The following CDH4 variants were observed in gnomAD, a reference collection of about 807,000 sequenced individuals.
The protein encoded by CDH4 is cadherin-4.
In CDH4, 33 loss-of-function variants were observed where a neutral mutation model predicts 86.0. The ratio of observed to expected loss-of-function variants is 0.38; its 90% CI spans 0.29 to 0.51. CDH4 has a LOEUF of 0.51. CDH4 is among the 20% of genes least tolerant of loss of function. The pLI is 0.86. For missense variants in CDH4, 1,114 were observed against 1,307.4 expected (o/e 0.85, Z 2.28); for synonymous variants, 555 against 549.4 (o/e 1.01, Z -0.14).
intron 3 of CDH4, among the ~76,000 whole-genome samples, chr20:61,747,569 A>AG (rs2088431558): frequency 6.6e-6 from 1 of 152,234 alleles, no homozygotes; most frequent in African/African-American, 2.4e-5. Context: ...GATAATTAGA[A>AG]GGTATAAAAC....
intron 2 of CDH4, among the ~76,000 whole-genome samples, chr20:61,581,338 G>C (rs1195469216): frequency 6.6e-6 from 1 of 152,222 alleles, no homozygotes; most frequent in Non-Finnish European, 1.5e-5. Context: ...CAGAAGTCCA[G>C]AATCAGCCTC....
At chr20:61,882,114 T>C (rs1011301324) in intron 7 of CDH4, among the ~76,000 whole-genome samples, 3 of 152,362 alleles carry the variant, frequency 2.0e-5, no homozygotes, top group Admixed American at 1.3e-4. Flanking sequence ...CCTTCCGGAC[T>C]GCTGTCTTTA....
chr20:61,507,676 A>G (rs1369861663), intron 2 of CDH4, among the ~76,000 whole-genome samples: 2 of 152,226 alleles, frequency 1.3e-5, no homozygotes, highest in Non-Finnish European at 2.9e-5. Flanking sequence ...CAACCGTCAC[A>G]GCCAAGAGGT....
chr20:61,557,967 T>G (rs1219594828), intron 2 of CDH4, among the ~76,000 whole-genome samples: 5 of 152,142 alleles, frequency 3.3e-5, no homozygotes, highest in Non-Finnish European at 5.9e-5. Context: ...GCTGTGACAA[T>G]AAAATGGTTC....
chr20:61,583,174 G>A (rs930100417), intron 2 of CDH4, among the ~76,000 whole-genome samples: 27,311 of 58,216 alleles, frequency 0.47, 10,297 homozygotes, highest in Non-Finnish European at 0.61. Flanking sequence ...GCTCTGCGGG[G>A]GGGACAGAGG....
intron 2 of CDH4, among the ~76,000 whole-genome samples, chr20:61,303,093 C>T (rs2084394470): frequency 6.6e-6 from 1 of 152,204 alleles, no homozygotes; most frequent in South Asian, 2.1e-4. Flanking sequence ...TAAGTGTTCA[C>T]ATTAAGCCAT....
intron 4 of CDH4, among the ~76,000 whole-genome samples, chr20:61,822,332 A>G (rs959472598): frequency 2.0e-5 from 3 of 152,232 alleles, no homozygotes; most frequent in Non-Finnish European, 2.9e-5. Context: ...TGATGAGAGC[A>G]ATAATGTGGG....
chr20:61,325,881 G>A (rs762703214), intron 2 of CDH4, among the ~76,000 whole-genome samples: 11 of 152,132 alleles, frequency 7.2e-5, no homozygotes, highest in East Asian at 1.9e-4. Context: ...GGGTGCCGAC[G>A]CAAGTGGGTT....
intron 2 of CDH4, among the ~76,000 whole-genome samples, chr20:61,394,329 G>A (rs2085003384): frequency 6.6e-6 from 1 of 152,088 alleles, no homozygotes. Context: ...CTCTCGGGCA[G>A]AACCCACCTC....
rs2145621826 is a variant in CDH4 at position 61,517,574 on chromosome 20, T to TTCC, written c.170-225987_170-225985dup. On this transcript the variant is annotated intron_variant, in intron 2 of 15. Coordinates refer to ENST00000614565, the MANE Select transcript of CDH4 (RefSeq NM_001794.5). This position sits in a 1 kb window ranked among gnomAD's most constrained non-coding sequence, Gnocchi z 6.6. The stretch of plus-strand genomic sequence containing the variant: ...CAGTGGAGGATGAATTCAAGCACAA[T>TTCC]TCCTGCCTTCTTCACTCCTGACCTT... Among the ~76,000 whole-genome samples, 1 of 152,206 alleles carries TTCC rather than the reference T, an allele frequency of 6.6e-6. No individual in the cohort carries two copies. The highest frequency in any genetic ancestry group is 2.4e-5 in the African/African-American group (1 of 41,540).
chr20:61,735,456 G>A (rs949245995), intron 2 of CDH4, among the ~76,000 whole-genome samples: 1 of 152,086 alleles, frequency 6.6e-6, no homozygotes, highest in Non-Finnish European at 1.5e-5. Flanking sequence ...CAGAACCTGT[G>A]GCAGGTACAG....
At chr20:61,302,163 G>A (rs766204256) in intron 2 of CDH4, among the ~76,000 whole-genome samples, 12 of 152,196 alleles carry the variant, frequency 7.9e-5, no homozygotes, top group Non-Finnish European at 1.8e-4. Context: ...TTAGTAGGCC[G>A]AGGTCTGGGC....
At chr20:61,457,791 G>A (rs1414915035) in intron 2 of CDH4, among the ~76,000 whole-genome samples, 4 of 151,498 alleles carry the variant, frequency 2.6e-5, no homozygotes, top group Non-Finnish European at 5.9e-5. Context: ...GTTGATGACA[G>A]TGCTGATGCT....
chr20:61,566,451 C>T (rs781008529), intron 2 of CDH4, among the ~76,000 whole-genome samples: 3 of 152,114 alleles, frequency 2.0e-5, no homozygotes, highest in Non-Finnish European at 4.4e-5. Context: ...TACCACGAGC[C>T]GGAGACTTTC....
In CDH4 at chr20:61,902,167, C is replaced by T. The variant is rs1471135359; in HGVS notation, c.1188+7120C>T. 1.3e-5 allele frequency among the ~76,000 whole-genome samples: 2 copies of T among 152,206 alleles called. No individual in the cohort carries two copies. The highest frequency in any genetic ancestry group is 6.5e-5 in the Admixed American group (1 of 15,284). ...CTTGGAGTTCCAGAATCGTGAAAGG[C>T]GGGTCCTCGGCAGGCGTGGAGGCAT... On this transcript the variant is annotated intron_variant, in intron 8 of 15. Coordinates refer to ENST00000614565, the MANE Select transcript of CDH4 (RefSeq NM_001794.5). This position sits in a 1 kb window ranked among gnomAD's most constrained non-coding sequence, Gnocchi z 4.6.
At chr20:61,757,801 C>T (rs774060352) in intron 3 of CDH4, among the ~76,000 whole-genome samples, 2 of 152,130 alleles carry the variant, frequency 1.3e-5, no homozygotes, top group African/African-American at 4.8e-5. Context: ...GAGGGAGGAG[C>T]GAGTGGTACA....
chr20:61,524,486 C>T (rs1025907889), intron 2 of CDH4, among the ~76,000 whole-genome samples: 2 of 147,296 alleles, frequency 1.4e-5, no homozygotes, highest in African/African-American at 5.2e-5. Context: ...ATGAATATTA[C>T]ACTTTTTTTT....
chr20:61,290,411 C>T, intron 2 of CDH4, among the ~76,000 whole-genome samples: 1 of 112,500 alleles, frequency 8.9e-6, no homozygotes, highest in Non-Finnish European at 1.8e-5. Context: ...ATCCCCGTAT[C>T]CAATGAGACT....
chr20:61,360,985 G>A (rs2084780300), intron 2 of CDH4, among the ~76,000 whole-genome samples: 2 of 151,750 alleles, frequency 1.3e-5, no homozygotes, highest in African/African-American at 2.4e-5. Flanking sequence ...CTGAGAGAAC[G>A]CAGAGAATCA....
Sources: allele counts gnomAD v4.1 joint callset (sites outside exome capture counted in the v4.1 genomes callset), GRCh38; gene constraint gnomAD v4.1.1; non-coding constraint Gnocchi (gnomAD v3.1); transcripts MANE v1.5; gene names NCBI Gene and HGNC (gene_info 2026-07-23, HGNC 2026-07-21).